USP9X: variants seen among roughly 807,000 people sequenced by gnomAD.
USP9X encodes the protein ubiquitin specific peptidase 9 X-linked.
A neutral mutation model predicts 190.3 loss-of-function variants in USP9X; 7 were observed. The ratio of observed to expected loss-of-function variants is 0.04; its 90% CI spans 0.02 to 0.07. The LOEUF (loss-of-function observed/expected upper bound fraction) is 0.07. USP9X is among the 10% of genes least tolerant of loss of function. USP9X has a pLI of 1.00. For missense variants in USP9X, 1,010 were observed against 1,916.9 expected (o/e 0.53, Z 8.83); for synonymous variants, 645 against 659.5 (o/e 0.98, Z 0.34).
chrX:41,224,945 A>G lies in USP9X; in HGVS notation c.6955A>G (p.Ser2319Gly). 1 of 1,212,122 alleles carries G rather than the reference A, an allele frequency of 8.2e-7. No homozygotes were observed. Among genetic ancestry groups the G allele is most frequent in the Non-Finnish European group, 1.1e-6 (1 of 895,449 alleles). ...TCCTCAGTTCTCATCTACTGTCCTC[A>G]GTGAACTTCTCTGGCAGGTAAAAGG... is the stretch of plus-strand genomic sequence containing the variant. ...ENPQFSSTVL[S>G]ELLWQVAYSY... Residue 2319 changes from serine to glycine, a missense_variant, in exon 40 of 45, where the codon AGT becomes GGT. Ser to Gly is a moderately conservative substitution (Grantham distance 56). Around this residue, in one of 11 missense-constraint regions of USP9X, gnomAD observed 121 missense variants for 281.2 expected, o/e 0.43. Transcript: ENST00000378308.
chrX:41,151,448 T>G (rs1033236640), intron 13 of USP9X, among the ~76,000 whole-genome samples: 3 of 112,127 alleles, frequency 2.7e-5, no homozygotes, highest in Non-Finnish European at 5.6e-5. Flanking sequence ...AAACATTTAT[T>G]TTAGCTAAAT....
chrX:41,102,669 TAAATG>T (rs910856189), intron 1 of USP9X, among the ~76,000 whole-genome samples: 14 of 112,154 alleles, frequency 1.2e-4, no homozygotes, highest in African/African-American at 3.2e-4. Context: ...TAAAATGTCA[TAAATG>T]AAATGAGATC....
At chrX:41,198,168 TGTA>T (rs1261243088) in intron 29 of USP9X, among the ~76,000 whole-genome samples, 3 of 112,676 alleles carry the variant, frequency 2.7e-5, no homozygotes, top group Non-Finnish European at 3.8e-5. Context: ...TTTTCATACA[TGTA>T]GTAACACAAG....
At chrX:41,118,292 A>G (rs1405835863) in intron 1 of USP9X, among the ~76,000 whole-genome samples, 1 of 108,402 alleles carries the variant, frequency 9.2e-6, no homozygotes, top group Non-Finnish European at 1.9e-5. Flanking sequence ...ATAACTCCCC[A>G]TCCCCCCAGC....
At chrX:41,116,976 G>A (rs1228593025) in intron 1 of USP9X, among the ~76,000 whole-genome samples, 2 of 111,649 alleles carry the variant, frequency 1.8e-5, no homozygotes, top group African/African-American at 6.5e-5. Context: ...AGTGTGCTGA[G>A]GGAAAGGGAT....
chrX:41,205,281 G>T (rs749573807), intron 31 of USP9X, 22 bp from the exon 32 acceptor site: 2 of 1,128,652 alleles, frequency 1.8e-6, no homozygotes, highest in Non-Finnish European at 2.4e-6. Context: ...TTAGCTCATT[G>T]GTGACATTTT....
chrX:41,229,403 C>A lies in USP9X; in HGVS notation c.7212C>A (p.Ile2404=), dbSNP rs2063341848. The change falls in exon 42 of 45, where the codon ATC becomes ATA. Residue 2404 remains isoleucine (I), a synonymous_variant. Transcript: ENST00000378308. ...GTAACTGTCCTGTTGCTTACCAAATCCTGCAGGTGAGGATTTTTTTCTTAT... is the reference window on the plus strand; with the variant it reads ...GTAACTGTCCTGTTGCTTACCAAATACTGCAGGTGAGGATTTTTTTCTTAT... ...LFSNCPVAYQ[I]LQGNGDLKRK... is the part of the protein sequence containing the mutation. 1.7e-6 allele frequency: 2 copies of A among 1,168,698 alleles called. No individual in the cohort carries two copies. The highest frequency in any genetic ancestry group is 1.8e-5 in the African/African-American group (1 of 55,421).
intron 14 of USP9X, among the ~76,000 whole-genome samples, chrX:41,155,371 A>G (rs892199521): frequency 3.6e-5 from 4 of 112,090 alleles, no homozygotes; most frequent in African/African-American, 1.3e-4. Flanking sequence ...TATGCATACA[A>G]TGAAGTATAA....
intron 14 of USP9X, among the ~76,000 whole-genome samples, chrX:41,155,919 A>G (rs1255048119): frequency 8.9e-6 from 1 of 112,057 alleles, no homozygotes; most frequent in Non-Finnish European, 1.9e-5. Context: ...AGGACACAGG[A>G]GTTGGCTTTC....
intron 1 of USP9X, among the ~76,000 whole-genome samples, chrX:41,108,270 T>C (rs948087881): frequency 8.9e-6 from 1 of 111,823 alleles, no homozygotes; most frequent in African/African-American, 3.3e-5. Flanking sequence ...CTGTGATCTC[T>C]CTGTTAAACC....
chrX:41,111,099 C>T (rs2062105380), intron 1 of USP9X, among the ~76,000 whole-genome samples: 1 of 110,619 alleles, frequency 9.0e-6, no homozygotes, highest in Non-Finnish European at 1.9e-5. Context: ...TTTGTCTCCA[C>T]CCCTCCACCT....
chrX:41,103,549 G>C (rs192485058), intron 1 of USP9X, among the ~76,000 whole-genome samples: 73 of 111,832 alleles, frequency 6.5e-4, no homozygotes, highest in African/African-American at 2.2e-3. Flanking sequence ...CCATGCCTTA[G>C]CATTCAGTAA....
intron 15 of USP9X, among the ~76,000 whole-genome samples, chrX:41,164,449 T>C (rs1467805693): frequency 9.0e-6 from 1 of 111,319 alleles, no homozygotes; most frequent in Non-Finnish European, 1.9e-5. Flanking sequence ...CGTTACTGAT[T>C]GGCATGTGTT....
chrX:41,221,736 C>G (rs1367774450), intron 38 of USP9X, among the ~76,000 whole-genome samples: 1 of 111,190 alleles, frequency 9.0e-6, no homozygotes, highest in African/African-American at 3.3e-5. Context: ...ATAATACCAT[C>G]TAGAAAGAGC....
chrX:41,148,641 A>G, intron 12 of USP9X, 66 bp downstream of exon 12: 1 of 1,025,694 alleles, frequency 9.7e-7, no homozygotes, highest in Non-Finnish European at 1.3e-6. Flanking sequence ...GCTTAGTTAC[A>G]GGATAGTTCT....
At chrX:41,149,489 A>G (rs191204232) in intron 12 of USP9X, among the ~76,000 whole-genome samples, 29 of 110,005 alleles carry the variant, frequency 2.6e-4, no homozygotes. Flanking sequence ...GTCATTTTCC[A>G]ACTGTCACCT....
intron 42 of USP9X, 45 bp from the exon 43 acceptor site, chrX:41,229,522 G>A (rs779648317): frequency 2.9e-5 from 34 of 1,184,975 alleles, no homozygotes; most frequent in South Asian, 1.3e-4. Context: ...TAACTTTGAA[G>A]TATTCCAAAT....
At chrX:41,143,977 G>GT (rs1165200023) in intron 10 of USP9X, among the ~76,000 whole-genome samples, 3 of 111,108 alleles carry the variant, frequency 2.7e-5, no homozygotes, top group Non-Finnish European at 3.8e-5. Flanking sequence ...ATAAAGCTTT[G>GT]TTTTTTTAGT....
chrX:41,165,196 T>G lies in USP9X; in HGVS notation c.1986-676T>G, dbSNP rs1028298794. 4.5e-5 allele frequency among the ~76,000 whole-genome samples: 5 copies of G among 111,707 alleles called. 1 individual carries two copies. Among genetic ancestry groups the G allele is most frequent in the Admixed American group, 9.5e-5 (1 of 10,495 alleles). On this transcript the variant is annotated intron_variant, in intron 15 of 44. Transcript: ENST00000378308. ...GGTTGTTGTTGTTGGAGACAGGGTC[T>G]CACCCAGGATTCTCTACTTAAATAT...
Sources: allele counts gnomAD v4.1 joint callset (sites outside exome capture counted in the v4.1 genomes callset), GRCh38; gene constraint gnomAD v4.1.1; regional missense constraint gnomAD v4.1.1; transcripts MANE v1.5; gene names NCBI Gene and HGNC (gene_info 2026-07-23, HGNC 2026-07-21).